Variants in TRPV2 observed in about 807,000 individuals in gnomAD.
TRPV2 encodes the protein OTRPC2.
Under a neutral mutation model 91.0 loss-of-function variants are expected in TRPV2, and 58 were observed. That is an observed-to-expected ratio of 0.64 (90% confidence interval 0.52 to 0.79). TRPV2 has a LOEUF of 0.79. TRPV2 is among the 30% of genes least tolerant of loss of function. The pLI is 0.00. For missense variants in TRPV2, 807 were observed against 969.6 expected (o/e 0.83, Z 2.23); for synonymous variants, 417 against 414.8 (o/e 1.01, Z -0.06).
In TRPV2 at chr17:16,433,668, A is replaced by G. The variant is rs751789808; in HGVS notation, c.2084A>G (p.Asp695Gly). 28 of 1,614,000 alleles carry G rather than the reference A, an allele frequency of 1.7e-5. No individual in the cohort carries two copies. The highest frequency in any genetic ancestry group is 1.8e-5 in the Non-Finnish European group (21 of 1,180,014). ...ATGCTGACCGTTGGCACTAAGCCAG[A>G]TGGCAGCCCCGATGAGCGCTGGTGC... ...GVMLTVGTKP[D>G]GSPDERWCFR... Residue 695 changes from aspartate (D) to glycine (G), a missense_variant, in exon 13 of 15, where the codon GAT (aspartate) becomes GGT (glycine). Physicochemically the swap from Asp to Gly is moderately conservative, Grantham distance 94. Transcript: ENST00000338560.
Position 16,424,853 on chromosome 17 carries a change from C to T in TRPV2, c.924+1086C>T, listed in dbSNP as rs185636294. The stretch of plus-strand genomic sequence containing the variant: ...GTGACTATCTTTTCCTTTAAGGTTC[C>T]ATGGTTTTGCTATTGTCTAATTCCT... On this transcript the variant is annotated intron_variant, in intron 5 of 14. Coordinates refer to ENST00000338560, the MANE Select transcript of TRPV2 (RefSeq NM_016113.5). Among the ~76,000 whole-genome samples, 77 of 150,106 alleles carry T rather than the reference C, an allele frequency of 5.1e-4. No homozygotes were observed. In the East Asian group the frequency reaches 0.014, roughly 27 times the overall value.
chr17:16,426,635 C>A lies in TRPV2; in HGVS notation c.1096-87C>A. On this transcript the variant is annotated intron_variant, in intron 6 of 14. Coordinates refer to ENST00000338560, the MANE Select transcript of TRPV2 (RefSeq NM_016113.5). This position sits in a 1 kb window ranked among gnomAD's most constrained non-coding sequence, Gnocchi z 6.0. ...GCTCCCTGTCCTCTCTCCTCATTTC[C>A]TGGGCCCTTGCTTTGATCTTGACAT... 1 of 1,488,050 alleles carries A rather than the reference C, an allele frequency of 6.7e-7. No individual in the cohort carries two copies. The allele number at this position is 1,488,050 out of a possible 1,614,324, so 92.2% of individuals were successfully genotyped here. A position where few individuals can be genotyped will look rare whatever the true frequency, so the allele number is the denominator to read the frequency against.
At chr17:16,424,139 G>A (rs1016434011) in intron 5 of TRPV2, among the ~76,000 whole-genome samples, 7 of 146,776 alleles carry the variant, frequency 4.8e-5, no homozygotes, top group South Asian at 2.2e-4. Flanking sequence ...ACAGGCATGT[G>A]CCACCACACC....
chr17:16,429,184 A>T (rs979794752), intron 10 of TRPV2, among the ~76,000 whole-genome samples: 4 of 152,208 alleles, frequency 2.6e-5, no homozygotes, highest in African/African-American at 9.6e-5. Context: ...ACAAACGTAC[A>T]TATGTGTGTT....
chr17:16,420,061 TG>T (rs1316691900), intron 2 of TRPV2, 53 bp from the exon 3 acceptor site: 147 of 1,586,348 alleles, frequency 9.3e-5, no homozygotes, highest in Non-Finnish European at 1.2e-4. Flanking sequence ...GGAGGGCTTT[TG>T]GGGGGGCCTG....
At chr17:16,430,826 A>G (rs917179660) in intron 10 of TRPV2, among the ~76,000 whole-genome samples, 15 of 152,110 alleles carry the variant, frequency 9.9e-5, no homozygotes, top group Non-Finnish European at 1.8e-4. Flanking sequence ...CCCATTGTGT[A>G]GATACACCAC....
In TRPV2 at chr17:16,420,264, T is replaced by G. The variant is rs780365000; in HGVS notation, c.334+16T>G. ...GAATACACAGGTAGACCCTGCCCTGTGGATCCAAGGCTAGGCATCCTGTGA... is the reference window on the plus strand; with the variant it reads ...GAATACACAGGTAGACCCTGCCCTGGGGATCCAAGGCTAGGCATCCTGTGA... On this transcript the variant is annotated intron_variant, in intron 3 of 14. Transcript: ENST00000338560. 6.9e-6 allele frequency: 11 copies of G among 1,600,512 alleles called. No individual in the cohort carries two copies. In the South Asian group the frequency reaches 1.2e-4, roughly 18 times the overall value.
At chr17:16,422,487 C>G in intron 3 of TRPV2, 112 bp from the exon 4 acceptor site, 1 of 1,106,482 alleles carries the variant, frequency 9.0e-7, no homozygotes, top group Non-Finnish European at 1.3e-6. Flanking sequence ...TGTAGCATCT[C>G]TTTTAATCCT....
chr17:16,427,328 T>C, intron 7 of TRPV2, 121 bp from the exon 8 acceptor site: 1 of 869,468 alleles, frequency 1.2e-6, no homozygotes. Context: ...CATGTTCCCA[T>C]GCCGTTCTGA....
intron 12 of TRPV2, chr17:16,433,241 G>C (rs2093421410): frequency 3.9e-6 from 1 of 253,524 alleles, no homozygotes; most frequent in Non-Finnish European, 7.8e-6. Context: ...GTGAGCAAAT[G>C]AAGTTCTGTT....
chr17:16,426,230 C>T lies in TRPV2; in HGVS notation c.1056C>T (p.Asn352=), dbSNP rs779224278. The T allele has an allele frequency of 1.9e-6, 3 of 1,614,202 alleles. No individual in the cohort carries two copies. Among genetic ancestry groups the T allele is most frequent in the East Asian group, 4.5e-5 (2 of 44,894 alleles). The part of the protein sequence containing the change: ...DLASVDSCEE[N]SVLEIIAFHC... ...CTTCTGTGGACAGCTGTGAGGAGAA[C>T]TCAGTGCTGGAGATCATTGCCTTTC... Residue 352 remains asparagine (N), a synonymous_variant, in exon 6 of 15, where the codon AAC becomes AAT. Transcript: ENST00000338560. This position sits in a 1 kb window ranked among gnomAD's most constrained non-coding sequence, Gnocchi z 6.0.
intron 5 of TRPV2, among the ~76,000 whole-genome samples, chr17:16,425,101 T>C (rs943096871): frequency 1.6e-4 from 23 of 145,500 alleles, no homozygotes; most frequent in African/African-American, 5.3e-4. Context: ...CTCGGCTAAC[T>C]GCAACCTCCG....
chr17:16,423,901 T>C (rs376768920), intron 5 of TRPV2, 134 bp downstream of exon 5: 1 of 803,898 alleles, frequency 1.2e-6, no homozygotes. Context: ...CTCCTGTTAG[T>C]AAGAAAATTT....
At chr17:16,427,301 G>A (rs921761688) in intron 7 of TRPV2, 148 bp from the exon 8 acceptor site, 2 of 663,240 alleles carry the variant, frequency 3.0e-6, no homozygotes, top group African/African-American at 3.6e-5. Flanking sequence ...AGGATCCAGG[G>A]GTCCTTCCCT....
chr17:16,433,423 T>TGTTGGA (rs1209311280), intron 12 of TRPV2, 151 bp from the exon 13 acceptor site: 3 of 1,114,034 alleles, frequency 2.7e-6, no homozygotes, highest in Non-Finnish European at 3.8e-6. Flanking sequence ...GGTAACCGGA[T>TGTTGGA]GTTGGAGCCA....
intron 5 of TRPV2, 94 bp downstream of exon 5, chr17:16,423,861 G>C: frequency 7.7e-7 from 1 of 1,291,748 alleles, no homozygotes; most frequent in South Asian, 1.6e-5. Context: ...GTGGTGAAGA[G>C]CAGTGGCTTC....
chr17:16,436,952 G>T lies in TRPV2; in HGVS notation c.*63G>T. The stretch of plus-strand genomic sequence containing the variant: ...AGGATCTTTCCAACCACATCTGCTG[G>T]CTCTGGGGTCCCAGTGAATTCTGGT... On this transcript the variant is annotated 3_prime_UTR_variant, in exon 15 of 15. Coordinates refer to ENST00000338560, the MANE Select transcript of TRPV2 (RefSeq NM_016113.5). 1 of 1,302,592 alleles carries T rather than the reference G, an allele frequency of 7.7e-7. No homozygotes were observed. The highest frequency in any genetic ancestry group is 1.1e-6 in the Non-Finnish European group (1 of 903,136). 80.7% of individuals were successfully genotyped at this position (1,302,592 alleles called of 1,614,324 possible).
intron 8 of TRPV2, among the ~76,000 whole-genome samples, chr17:16,428,046 G>C (rs2093392239): frequency 6.6e-6 from 1 of 152,158 alleles, no homozygotes; most frequent in South Asian, 2.1e-4. Flanking sequence ...TCCCTGTGAG[G>C]CCAGGGAGAA....
intron 3 of TRPV2, among the ~76,000 whole-genome samples, chr17:16,422,003 T>G (rs2142989725): frequency 6.6e-6 from 1 of 152,006 alleles, no homozygotes; most frequent in African/African-American, 2.4e-5. Flanking sequence ...ATGACTTATG[T>G]CTTAGAAATT....
Sources: gnomAD v4.1 joint callset for allele counts (sites outside exome capture counted in the v4.1 genomes callset) on GRCh38, gnomAD v4.1.1 for gene constraint, Gnocchi (gnomAD v3.1) non-coding constraint, MANE v1.5 for transcripts, NCBI Gene and HGNC (gene_info 2026-07-23, HGNC 2026-07-21) for gene names.